Variants in CTDSPL2 observed in about 807,000 individuals in gnomAD.
CTDSPL2 encodes the protein CTD small phosphatase like 2.
A neutral mutation model predicts 60.0 loss-of-function variants in CTDSPL2; 5 were observed. That is an observed-to-expected ratio of 0.08 (90% CI 0.04 to 0.18). The LOEUF is 0.18. Ranked by LOEUF, CTDSPL2 falls within the 10% of genes least tolerant of loss-of-function variation. The probability of loss-of-function intolerance (pLI) is 1.00; values close to 1 mark genes in which losing one functional copy is unlikely to be tolerated. For synonymous variants in CTDSPL2, 186 were observed against 189.3 expected, an observed-to-expected ratio of 0.98 and a Z score of 0.14; for missense variants, 370 against 548.8, an observed-to-expected ratio of 0.67 and a Z score of 3.26.
intron 1 of CTDSPL2, among the ~76,000 whole-genome samples, chr15:44,437,366 C>G (rs1011933376): frequency 6.6e-6 from 1 of 152,084 alleles, no homozygotes; most frequent in Non-Finnish European, 1.5e-5. Flanking sequence ...CATTCAAGAC[C>G]TTGGGAGCAG....
intron 1 of CTDSPL2, among the ~76,000 whole-genome samples, chr15:44,456,870 T>C (rs1345870897): frequency 2.0e-5 from 3 of 148,000 alleles, no homozygotes; most frequent in East Asian, 3.9e-4. Context: ...TTTTTTCTTT[T>C]TTTTTTTGTT....
intron 5 of CTDSPL2, among the ~76,000 whole-genome samples, chr15:44,495,932 C>CA (rs796221579): frequency 0.012 from 1,709 of 144,052 alleles, 39 homozygotes; most frequent in African/African-American, 0.039. Flanking sequence ...GACTCCATCT[C>CA]AAAAAAAAAA....
intron 8 of CTDSPL2, among the ~76,000 whole-genome samples, chr15:44,506,643 G>A (rs1173927870): frequency 6.6e-6 from 1 of 151,784 alleles, no homozygotes; most frequent in Non-Finnish European, 1.5e-5. Flanking sequence ...TCAAACTCCT[G>A]GGCTCAAGCA....
chr15:44,431,058 T>A (rs547744916), intron 1 of CTDSPL2, among the ~76,000 whole-genome samples: 1 of 151,910 alleles, frequency 6.6e-6, no homozygotes, highest in African/African-American at 2.4e-5. Flanking sequence ...CTGACCTCAG[T>A]TGATCCACCC....
At chr15:44,445,227 G>C (rs901024460) in intron 1 of CTDSPL2, among the ~76,000 whole-genome samples, 7 of 151,088 alleles carry the variant, frequency 4.6e-5, no homozygotes, top group African/African-American at 1.7e-4. Context: ...TCCGGCTGTT[G>C]CCCTGTCTGC....
intron 8 of CTDSPL2, among the ~76,000 whole-genome samples, chr15:44,507,009 C>T (rs773169724): frequency 4.0e-5 from 6 of 151,624 alleles, no homozygotes; most frequent in Admixed American, 1.3e-4. Flanking sequence ...CCTCGTGATC[C>T]GCCCACCTCG....
chr15:44,497,405 G>T (rs574086675), intron 7 of CTDSPL2, among the ~76,000 whole-genome samples: 1 of 151,894 alleles, frequency 6.6e-6, no homozygotes, highest in African/African-American at 2.4e-5. Flanking sequence ...TCGCTCTGTC[G>T]CCCAGGCTGG....
chr15:44,450,608 T>G (rs2080314820), intron 1 of CTDSPL2, among the ~76,000 whole-genome samples: 2 of 145,344 alleles, frequency 1.4e-5, no homozygotes, highest in South Asian at 4.5e-4. Flanking sequence ...TTTTTTTTTT[T>G]TTTTTTGAGA....
intron 1 of CTDSPL2, among the ~76,000 whole-genome samples, chr15:44,443,324 T>C (rs2080131327): frequency 6.6e-6 from 1 of 152,230 alleles, no homozygotes; most frequent in Non-Finnish European, 1.5e-5. Flanking sequence ...GACACTTCGA[T>C]TGCATCCACC....
chr15:44,495,556 A>AG (rs1397809061), intron 5 of CTDSPL2, among the ~76,000 whole-genome samples: 1 of 152,036 alleles, frequency 6.6e-6, no homozygotes, highest in African/African-American at 2.4e-5. Flanking sequence ...CTCAAAAAAA[A>AG]AAAAAAAGAG....
At chr15:44,459,562 G>T (rs780055279) in intron 2 of CTDSPL2, among the ~76,000 whole-genome samples, 1 of 152,092 alleles carries the variant, frequency 6.6e-6, no homozygotes, top group Non-Finnish European at 1.5e-5. Context: ...TTTTCTCTAA[G>T]CATGTGTAGA....
chr15:44,508,272 CAG>C (rs368669977), intron 8 of CTDSPL2, among the ~76,000 whole-genome samples: 1 of 151,750 alleles, frequency 6.6e-6, no homozygotes, highest in African/African-American at 2.4e-5. Flanking sequence ...TTTGTAGAGA[CAG>C]GGTTTCGCCA....
At chr15:44,445,503 T>G (rs945262284) in intron 1 of CTDSPL2, among the ~76,000 whole-genome samples, 4 of 152,016 alleles carry the variant, frequency 2.6e-5, no homozygotes, top group Admixed American at 1.3e-4. Context: ...GTTCTAGATT[T>G]TTGAATTCAG....
chr15:44,433,354 A>C (rs984078207), intron 1 of CTDSPL2, among the ~76,000 whole-genome samples: 1 of 150,534 alleles, frequency 6.6e-6, no homozygotes, highest in Admixed American at 6.6e-5. Flanking sequence ...AAAAAAGGAC[A>C]AAAAACAGCC....
intron 4 of CTDSPL2, among the ~76,000 whole-genome samples, chr15:44,488,291 TGTA>T (rs765116727): frequency 1.3e-5 from 2 of 152,078 alleles, no homozygotes; most frequent in Non-Finnish European, 2.9e-5. Flanking sequence ...TTAGTAGACT[TGTA>T]GTCGTTTGTG....
intron 8 of CTDSPL2, among the ~76,000 whole-genome samples, chr15:44,504,588 T>C (rs1482178454): frequency 6.6e-6 from 1 of 152,100 alleles, no homozygotes; most frequent in Non-Finnish European, 1.5e-5. Context: ...AAAAAAACTT[T>C]TGAGGCCGGG....
intron 7 of CTDSPL2, 44 bp from the exon 8 acceptor site, chr15:44,499,683 C>A (rs1241870301): frequency 8.7e-7 from 1 of 1,147,122 alleles, no homozygotes. Context: ...TTTGAAGTTT[C>A]TTTTACTATC....
chr15:44,503,777 T>C (rs1215736159), intron 8 of CTDSPL2: 1 of 152,250 alleles, frequency 6.6e-6, no homozygotes, highest in African/African-American at 2.4e-5. Flanking sequence ...AATAAGACTT[T>C]AGCCAGTCAG....
At chr15:44,441,310 T>C (rs997750819) in intron 1 of CTDSPL2, among the ~76,000 whole-genome samples, 32 of 152,178 alleles carry the variant, frequency 2.1e-4, no homozygotes, top group African/African-American at 7.5e-4. Context: ...CCAGTTTTTG[T>C]TCCCTAGAAG....
Sources: gnomAD v4.1 joint callset for allele counts (sites outside exome capture counted in the v4.1 genomes callset) on GRCh38, gnomAD v4.1.1 for gene constraint, MANE v1.5 for transcripts, NCBI Gene and HGNC (gene_info 2026-07-23, HGNC 2026-07-21) for gene names.